The following THOC1 variants were observed in gnomAD, a reference collection of about 807,000 sequenced individuals.
THOC1 encodes THO complex subunit 1.
Under a neutral mutation model 97.3 loss-of-function variants are expected in THOC1, and 29 were observed. The observed-to-expected ratio is 0.30, with a 90% CI of 0.22 to 0.41. THOC1 has a LOEUF of 0.41. Among genes scored for constraint, THOC1 ranks in the 10% least tolerant of loss-of-function variants. THOC1 has a pLI of 1.00. For synonymous variants in THOC1, 255 were observed against 257.0 expected, an observed-to-expected ratio of 0.99 and a Z score of 0.07; for missense variants, 529 against 761.9, an observed-to-expected ratio of 0.69 and a Z score of 3.60.
In THOC1 at chr18:214,725, T is replaced by G. The variant is rs1910804378; in HGVS notation, c.1875A>C (p.Gly625=). ...TCAGATTCTCAGGTGTTGCATGAAC[T>G]CCCTCTTGATCTTGCCAGGCAACCA... ...QLLVAWQDQE[G]VHATPENLIN... The change falls in exon 21 of 21, where the codon GGA becomes GGC. Residue 625 remains glycine (G), a synonymous_variant. Coordinates refer to ENST00000261600, the MANE Select transcript of THOC1 (RefSeq NM_005131.3). 6.2e-7 allele frequency: 1 copy of G among 1,613,902 alleles called. No individual in the cohort carries two copies. The highest frequency in any genetic ancestry group is 1.3e-5 in the African/African-American group (1 of 75,048).
intron 11 of THOC1, among the ~76,000 whole-genome samples, chr18:233,356 G>T (rs1911558382): frequency 6.6e-6 from 1 of 152,226 alleles, no homozygotes; most frequent in Admixed American, 6.5e-5. Context: ...GGAGGCTGAG[G>T]CGGGCAGATC....
chr18:216,073 C>A (rs1598284907), intron 19 of THOC1: 1 of 164,256 alleles, frequency 6.1e-6, no homozygotes, highest in South Asian at 1.7e-4. Flanking sequence ...CTTGCCTCAG[C>A]CTCTTGAGTA....
At chr18:253,997 C>A (rs1912361242) in intron 8 of THOC1, among the ~76,000 whole-genome samples, 1 of 150,764 alleles carries the variant, frequency 6.6e-6, no homozygotes, top group South Asian at 2.1e-4. Context: ...TGCAGCTTGA[C>A]CTCCCTGGGC....
intron 1 of THOC1, among the ~76,000 whole-genome samples, chr18:266,896 G>C (rs772548239): frequency 1.3e-5 from 2 of 152,010 alleles, no homozygotes; most frequent in African/African-American, 2.4e-5. Context: ...AAGCACCAGA[G>C]ATTGCAGCAA....
At chr18:248,507 A>G (rs1363676587) in intron 9 of THOC1, among the ~76,000 whole-genome samples, 1 of 152,182 alleles carries the variant, frequency 6.6e-6, no homozygotes, top group East Asian at 1.9e-4. Flanking sequence ...TATGAGGGGG[A>G]AAAATCAACT....
chr18:254,374 A>G lies in THOC1; in HGVS notation c.521-19T>C, dbSNP rs1345283155. The G allele has an allele frequency of 1.3e-6, 2 of 1,494,882 alleles. No individual in the cohort carries two copies. The highest frequency in any genetic ancestry group is 1.8e-6 in the Non-Finnish European group (2 of 1,096,912). 92.6% of individuals were successfully genotyped at this position (1,494,882 alleles called of 1,614,324 possible). ...TTAAGACCTAGTAAAAAAACAAAAAAAAGATGCAAAGCAAGTCCAGTGACA... is the reference window on the plus strand; with the variant it reads ...TTAAGACCTAGTAAAAAAACAAAAAGAAGATGCAAAGCAAGTCCAGTGACA... On this transcript the variant is annotated intron_variant, in intron 7 of 20. Coordinates refer to ENST00000261600, the MANE Select transcript of THOC1 (RefSeq NM_005131.3). This position sits in a 1 kb window ranked among gnomAD's most constrained non-coding sequence, Gnocchi z 4.1.
chr18:250,974 A>G (rs1261321498), intron 9 of THOC1, among the ~76,000 whole-genome samples: 2 of 152,126 alleles, frequency 1.3e-5, no homozygotes, highest in South Asian at 4.1e-4. Context: ...TACTTTATTC[A>G]TGTATAATGA....
At chr18:261,555 T>G (rs922474710) in intron 4 of THOC1, among the ~76,000 whole-genome samples, 42 of 152,168 alleles carry the variant, frequency 2.8e-4, no homozygotes, top group African/African-American at 8.2e-4. Flanking sequence ...TGAGCTCCAC[T>G]AATGAGCATG....
At chr18:225,619 G>A in intron 12 of THOC1, 2 of 519,078 alleles carry the variant, frequency 3.9e-6, no homozygotes. Flanking sequence ...GCATATGCAG[G>A]GAATAAAACA....
At chr18:262,616 G>A (rs1912638328) in intron 4 of THOC1, among the ~76,000 whole-genome samples, 1 of 152,292 alleles carries the variant, frequency 6.6e-6, no homozygotes, top group East Asian at 1.9e-4. Context: ...AACACTGTTT[G>A]ACTGAAACTA....
At chr18:234,178 G>A (rs2143203456) in intron 11 of THOC1, among the ~76,000 whole-genome samples, 1 of 152,244 alleles carries the variant, frequency 6.6e-6, no homozygotes, top group East Asian at 1.9e-4. Flanking sequence ...CAGTTTCTTG[G>A]TTCTCTTGGA....
intron 17 of THOC1, among the ~76,000 whole-genome samples, chr18:220,913 ACT>A (rs1419164135): frequency 2.0e-5 from 3 of 151,424 alleles, no homozygotes; most frequent in Admixed American, 6.6e-5. Flanking sequence ...CTTCTGAATG[ACT>A]CTCAGTGTCA....
intron 17 of THOC1, among the ~76,000 whole-genome samples, chr18:219,740 G>T (rs1031592810): frequency 6.6e-6 from 1 of 152,106 alleles, no homozygotes; most frequent in Non-Finnish European, 1.5e-5. Context: ...AGGGCAGCCA[G>T]GGTATTTTAT....
chr18:240,249 C>G (rs1911851608), intron 11 of THOC1, among the ~76,000 whole-genome samples: 2 of 152,290 alleles, frequency 1.3e-5, no homozygotes, highest in South Asian at 2.1e-4. Context: ...AAATTCAGAG[C>G]CTACTTTGGC....
chr18:220,970 G>A (rs1027167886), intron 17 of THOC1, among the ~76,000 whole-genome samples: 5 of 152,090 alleles, frequency 3.3e-5, no homozygotes, highest in Non-Finnish European at 1.5e-5. Context: ...TTTTGAAAGT[G>A]TAAACACTTA....
intron 11 of THOC1, among the ~76,000 whole-genome samples, chr18:230,967 C>T (rs1378477607): frequency 3.9e-5 from 6 of 152,010 alleles, no homozygotes; most frequent in Non-Finnish European, 4.4e-5. Flanking sequence ...GTTGTGAACT[C>T]CAGGCTGTTT....
rs1311304274 is a variant in THOC1, at chr18:254,277, T to C, written c.599A>G (p.Gln200Arg). Residue 200 changes from glutamine to arginine, a missense_variant, in exon 8 of 21, where the codon CAG (glutamine) becomes CGG (arginine). By Grantham distance (43) the Gln-to-Arg change is conservative (BLOSUM62 1). Transcript: ENST00000261600. This position sits in a 1 kb window ranked among gnomAD's most constrained non-coding sequence, Gnocchi z 4.1. ...AAGATTTCAAATCAGCCTCACCTTC[T>C]GACCCAGGGTGCTTTCCTGCTCATT... Reference protein sequence around the residue: ...NTNEQESTLGQKHTEDREEGM... With the variant: ...NTNEQESTLGRKHTEDREEGM... 2 of 1,576,716 alleles carry C rather than the reference T, an allele frequency of 1.3e-6. No individual in the cohort carries two copies. The highest frequency in any genetic ancestry group is 1.7e-6 in the Non-Finnish European group (2 of 1,159,024).
chr18:242,484 T>A lies in THOC1; in HGVS notation c.918+3840A>T, dbSNP rs1911941972. On this transcript the variant is annotated intron_variant, in intron 11 of 20. Coordinates refer to ENST00000261600, the MANE Select transcript of THOC1 (RefSeq NM_005131.3). This position sits in a 1 kb window ranked among gnomAD's most constrained non-coding sequence, Gnocchi z 4.5. ...TTTGTATCATCCTTGCCAAGCATTG[T>A]TTCCGGACTATCCCTAAGGAAAAGT... Among the ~76,000 whole-genome samples the A allele has an allele frequency of 6.6e-6, 1 of 152,046 alleles. No homozygotes were observed. Among genetic ancestry groups the A allele is most frequent in the Non-Finnish European group, 1.5e-5 (1 of 68,020 alleles).
At chr18:257,001 T>C (rs891452930) in intron 7 of THOC1, among the ~76,000 whole-genome samples, 14 of 152,244 alleles carry the variant, frequency 9.2e-5, no homozygotes, top group African/African-American at 3.4e-4. Context: ...TTGGTGGTCA[T>C]TACCAGTTTT....
Sources: allele counts gnomAD v4.1 joint callset (sites outside exome capture counted in the v4.1 genomes callset), GRCh38; gene constraint gnomAD v4.1.1; non-coding constraint Gnocchi (gnomAD v3.1); transcripts MANE v1.5; gene names NCBI Gene and HGNC (gene_info 2026-07-23, HGNC 2026-07-21).